Variants in COG7 observed in about 807,000 individuals in gnomAD.
COG7 encodes component of oligomeric golgi complex 7, also known as conserved oligomeric Golgi complex subunit 7.
Under a neutral mutation model 91.5 loss-of-function variants are expected in COG7, and 49 were observed. The ratio of observed to expected loss-of-function variants is 0.54; its 90% CI spans 0.43 to 0.68. COG7 has a LOEUF of 0.68. COG7 is among the 30% of genes least tolerant of loss of function. COG7 has a pLI of 0.00. For synonymous variants in COG7, 365 were observed against 388.7 expected, an observed-to-expected ratio of 0.94 and a Z score of 0.72; for missense variants, 895 against 961.3, an observed-to-expected ratio of 0.93 and a Z score of 0.91.
chr16:23,396,038 T>C (rs1963280378), intron 14 of COG7, among the ~76,000 whole-genome samples: 1 of 152,242 alleles, frequency 6.6e-6, no homozygotes, highest in South Asian at 2.1e-4. Context: ...ACTGGGTAAG[T>C]CGCTGCTTCC....
chr16:23,398,658 C>T (rs931926404), intron 13 of COG7, among the ~76,000 whole-genome samples: 1 of 152,106 alleles, frequency 6.6e-6, no homozygotes, highest in Non-Finnish European at 1.5e-5. Context: ...CAAGCCTCAT[C>T]GGCAATACTG....
intron 16 of COG7, among the ~76,000 whole-genome samples, chr16:23,391,683 G>A (rs1227082654): frequency 6.6e-6 from 1 of 152,194 alleles, no homozygotes; most frequent in African/African-American, 2.4e-5. Flanking sequence ...CCCGAGAGGT[G>A]CGTTAGGCTA....
chr16:23,406,678 G>A (rs1342978297), intron 11 of COG7, among the ~76,000 whole-genome samples: 1 of 152,218 alleles, frequency 6.6e-6, no homozygotes, highest in African/African-American at 2.4e-5. Context: ...GGGCAGGATA[G>A]CAGCTGGCTG....
chr16:23,426,797 G>A (rs1482917322), intron 6 of COG7, among the ~76,000 whole-genome samples: 1 of 119,976 alleles, frequency 8.3e-6, no homozygotes, highest in Non-Finnish European at 1.6e-5. Context: ...AGAACCAGAA[G>A]TCCTAGCCAG....
chr16:23,397,724 GAGA>G (rs1214339586), intron 14 of COG7, among the ~76,000 whole-genome samples: 1 of 152,198 alleles, frequency 6.6e-6, no homozygotes, highest in African/African-American at 2.4e-5. Flanking sequence ...GAAAGTCACA[GAGA>G]AGAATTGGCC....
At chr16:23,438,420 T>C (rs1460386977) in intron 4 of COG7, among the ~76,000 whole-genome samples, 2 of 152,004 alleles carry the variant, frequency 1.3e-5, no homozygotes, top group African/African-American at 4.8e-5. Context: ...TAGCTGGGCG[T>C]GGTAGTGCAC....
chr16:23,428,172 A>G (rs112316674), intron 6 of COG7, among the ~76,000 whole-genome samples: 8 of 151,376 alleles, frequency 5.3e-5, no homozygotes, highest in African/African-American at 9.7e-5. Flanking sequence ...GTGAAACCCC[A>G]TATCTACTAA....
chr16:23,424,973 C>T (rs1247833834), intron 6 of COG7, 26 bp from the exon 7 acceptor site: 7 of 1,573,784 alleles, frequency 4.4e-6, no homozygotes, highest in South Asian at 1.1e-5. Context: ...GGTGTACCTG[C>T]CTTAGCACAT....
At chr16:23,421,519 G>T (rs1316812571) in intron 7 of COG7, among the ~76,000 whole-genome samples, 1 of 151,246 alleles carries the variant, frequency 6.6e-6, no homozygotes, top group Non-Finnish European at 1.5e-5. Flanking sequence ...AGAATAACAG[G>T]CTAAAGAATA....
At chr16:23,415,303 G>A (rs980614892) in intron 9 of COG7, 4 of 152,236 alleles carry the variant, frequency 2.6e-5, no homozygotes, top group African/African-American at 9.6e-5. Context: ...AAATATCCAT[G>A]TGCTCTGCAG....
intron 9 of COG7, chr16:23,415,169 TA>T (rs1231287583): frequency 6.6e-6 from 1 of 152,214 alleles, no homozygotes; most frequent in Non-Finnish European, 1.5e-5. Context: ...TTTCTAGGGT[TA>T]TAAGTCCCAG....
At chr16:23,431,019 A>G (rs1963926019) in intron 6 of COG7, among the ~76,000 whole-genome samples, 1 of 151,866 alleles carries the variant, frequency 6.6e-6, no homozygotes, top group Non-Finnish European at 1.5e-5. Context: ...ATATTTTTAT[A>G]TAAAAAAGAA....
intron 6 of COG7, among the ~76,000 whole-genome samples, chr16:23,427,176 A>G (rs1963862079): frequency 6.6e-6 from 1 of 152,114 alleles, no homozygotes; most frequent in Non-Finnish European, 1.5e-5. Context: ...ACCTGAGCCC[A>G]GGAAGTGGAG....
chr16:23,429,132 G>A (rs1963894354), intron 6 of COG7, among the ~76,000 whole-genome samples: 1 of 152,136 alleles, frequency 6.6e-6, no homozygotes, highest in South Asian at 2.1e-4. Flanking sequence ...TGAGACTACA[G>A]GCATGTGCCA....
chr16:23,427,674 A>G (rs1415767160), intron 6 of COG7, among the ~76,000 whole-genome samples: 2 of 152,124 alleles, frequency 1.3e-5, no homozygotes, highest in African/African-American at 4.8e-5. Flanking sequence ...CGTCAGTAAC[A>G]TCTCCATTGA....
At chr16:23,433,819 GAA>G (rs34978942) in intron 5 of COG7, 152 bp from the exon 6 acceptor site, 237 of 592,228 alleles carry the variant, frequency 4.0e-4, no homozygotes, top group Middle Eastern at 4.7e-4. Flanking sequence ...AGAAAGGCAG[GAA>G]AAAAAAAAAA....
At chr16:23,398,871 C>T (rs1024655966) in intron 13 of COG7, among the ~76,000 whole-genome samples, 3 of 152,138 alleles carry the variant, frequency 2.0e-5, no homozygotes, top group Non-Finnish European at 2.9e-5. Context: ...AAACATCTTC[C>T]GTGTTGTTGT....
intron 1 of COG7, 56 bp from the exon 2 acceptor site, chr16:23,446,017 A>G: frequency 6.3e-7 from 1 of 1,582,466 alleles, no homozygotes. Context: ...ACAAAAGGTG[A>G]AAGTTGGACC....
At chr16:23,438,039 C>G (rs543970714) in intron 4 of COG7, among the ~76,000 whole-genome samples, 181 of 141,292 alleles carry the variant, frequency 1.3e-3, no homozygotes, top group African/African-American at 4.6e-3. Flanking sequence ...GAGCCGAGAT[C>G]AAGCCACTGC....
Sources: gnomAD v4.1 joint callset for allele counts (sites outside exome capture counted in the v4.1 genomes callset) on GRCh38, gnomAD v4.1.1 for gene constraint, MANE v1.5 for transcripts, NCBI Gene and HGNC (gene_info 2026-07-23, HGNC 2026-07-21) for gene names.